The following GNB1L variants were observed in gnomAD, a reference collection of about 807,000 sequenced individuals.
GNB1L encodes the protein G protein subunit beta 1 like.
GNB1L carries 20 observed loss-of-function variants against 29.1 expected under a neutral mutation model. The observed-to-expected ratio is 0.69, with a 90% CI of 0.48 to 1.00. The LOEUF is 1.00. Among genes scored for constraint, GNB1L ranks in the 50% least tolerant of loss-of-function variants. The probability of loss-of-function intolerance (pLI) is 0.00; values close to 1 mark genes in which losing one functional copy is unlikely to be tolerated. For synonymous variants in GNB1L, 193 were observed against 206.5 expected (o/e 0.93, Z 0.56); for missense variants, 421 against 464.9 (o/e 0.91, Z 0.87).
chr22:19,798,540 G>A lies in GNB1L; in HGVS notation c.732+3461C>T, dbSNP rs537746162. Among the ~76,000 whole-genome samples, 75 of 152,306 alleles carry A rather than the reference G, an allele frequency of 4.9e-4. 1 individual carries two copies. Among genetic ancestry groups the A allele is most frequent in the Middle Eastern group, 6.8e-3 (2 of 294 alleles). On this transcript the variant is annotated intron_variant, in intron 7 of 7. Coordinates refer to ENST00000329517, the MANE Select transcript of GNB1L (RefSeq NM_053004.3). ...CTGCCAAATGCCTGGAGCCACAGGC[G>A]TGTGGGGAGGTTTCCGTAGAAGTCC...
At position 19,816,021 on chromosome 22, in the gene GNB1L, C is replaced by T. The variant is rs145255467; in HGVS notation, c.255-3574G>A. The stretch of plus-strand genomic sequence containing the variant: ...GGTGAGCCTCTCACCAAGAACTCCA[C>T]CTTGTCAACACCGCATCCTGACCAA... On this transcript the variant is annotated intron_variant, in intron 4 of 7. Transcript: ENST00000329517. This position sits in a 1 kb window ranked among gnomAD's most constrained non-coding sequence, Gnocchi z 4.4. Among the ~76,000 whole-genome samples, 16 of 152,330 alleles carry T rather than the reference C, an allele frequency of 1.1e-4. 1 individual carries two copies. The East Asian group carries it at 3.1e-3, about 29-fold the overall frequency.
At chr22:19,794,236 C>A (rs1438427729) in intron 7 of GNB1L, among the ~76,000 whole-genome samples, 2 of 152,126 alleles carry the variant, frequency 1.3e-5, no homozygotes, top group African/African-American at 4.8e-5. Context: ...GGTGACAGAG[C>A]AAGACCTTGC....
rs535092253 is a variant in GNB1L at position 19,816,967 on chromosome 22, C to G, written c.254+3631G>C. The stretch of plus-strand genomic sequence containing the variant: ...GCACTGAGGTGGGGGAAGGCGGGAC[C>G]GCTGGGTACCCACATGGAAACCCAG... On this transcript the variant is annotated intron_variant, in intron 4 of 7. Transcript: ENST00000329517. The surrounding 1 kb of genome is among the most constrained non-coding windows in gnomAD (Gnocchi z 4.4). Among the ~76,000 whole-genome samples the G allele has an allele frequency of 6.6e-6, 1 of 152,214 alleles. No homozygotes were observed. Among genetic ancestry groups the G allele is most frequent in the Admixed American group, 6.5e-5 (1 of 15,282 alleles).
At chr22:19,793,052 C>T (rs746191606) in intron 7 of GNB1L, 24 of 1,594,834 alleles carry the variant, frequency 1.5e-5, no homozygotes, top group Admixed American at 3.3e-5. Context: ...TCGCCAAGCT[C>T]GAAAAGGCAA....
chr22:19,834,451 TAGG>T (rs1364760884), intron 2 of GNB1L, among the ~76,000 whole-genome samples: 2 of 152,112 alleles, frequency 1.3e-5, no homozygotes, highest in Non-Finnish European at 2.9e-5. Context: ...TTCAAGAAGG[TAGG>T]AGGAGCAATG....
intron 2 of GNB1L, among the ~76,000 whole-genome samples, chr22:19,839,835 G>A (rs915512240): frequency 4.6e-5 from 7 of 151,420 alleles, no homozygotes; most frequent in African/African-American, 1.5e-4. Context: ...AGCCAAGATC[G>A]TACCACTGCA....
rs1937527548 is a variant in GNB1L at position 19,816,755 on chromosome 22, ACT to A, written c.254+3841_254+3842del. 6.6e-6 allele frequency among the ~76,000 whole-genome samples: 1 copy of A among 151,778 alleles called. No homozygotes were observed. The highest frequency in any genetic ancestry group is 2.4e-5 in the African/African-American group (1 of 41,260). On this transcript the variant is annotated intron_variant, in intron 4 of 7. Transcript: ENST00000329517. The surrounding 1 kb of genome is among the most constrained non-coding windows in gnomAD (Gnocchi z 4.4). ...CACCTTCCCCCTTCTCGTGTCTGTA[ACT>A]CTCCTCTCTGGGCAGGGACAACCCT... is the stretch of plus-strand genomic sequence containing the variant.
intron 2 of GNB1L, among the ~76,000 whole-genome samples, chr22:19,834,273 C>T (rs1044246411): frequency 1.3e-5 from 2 of 152,076 alleles, no homozygotes; most frequent in Non-Finnish European, 2.9e-5. Flanking sequence ...TGTTAAAGAA[C>T]TGAAAGAAAA....
At chr22:19,851,455 C>A in intron 2 of GNB1L, 2 of 1,614,098 alleles carry the variant, frequency 1.2e-6, no homozygotes, top group Non-Finnish European at 1.7e-6. Context: ...GGACTGGGGG[C>A]TCCTTGGGCC....
intron 2 of GNB1L, among the ~76,000 whole-genome samples, chr22:19,836,402 A>G (rs1361529471): frequency 1.3e-5 from 2 of 152,156 alleles, no homozygotes; most frequent in Non-Finnish European, 2.9e-5. Context: ...GGGGAAAAAA[A>G]AAAATCAAAA....
rs1937184209 is a variant in GNB1L at position 19,785,440 on chromosome 22, G to A, written c.*3269C>T. ...AAAAACACCCCAAAAACACAGGATG[G>A]TAGAACACACCTACCTGAGTTGGCA... On this transcript the variant is annotated 3_prime_UTR_variant, in exon 8 of 8. Transcript: ENST00000329517. The surrounding 1 kb of genome is among the most constrained non-coding windows in gnomAD (Gnocchi z 4.1). The A allele has an allele frequency of 6.6e-6, 1 of 152,074 alleles. No individual in the cohort carries two copies. The highest frequency in any genetic ancestry group is 2.4e-5 in the African/African-American group (1 of 41,394). 9.4% of individuals were successfully genotyped at this position (152,074 alleles called of 1,614,324 possible).
chr22:19,847,223 G>C, intron 2 of GNB1L: 1 of 985,476 alleles, frequency 1.0e-6, no homozygotes, highest in East Asian at 1.1e-4. Flanking sequence ...CCCCAGCCAC[G>C]GTGGCCCACA....
At chr22:19,819,743 C>T (rs571479545) in intron 4 of GNB1L, among the ~76,000 whole-genome samples, 5 of 152,268 alleles carry the variant, frequency 3.3e-5, no homozygotes, top group South Asian at 2.1e-4. Context: ...CCAAGTGATG[C>T]GTAGGGTACA....
At chr22:19,790,141 T>C (rs1359250555) in intron 7 of GNB1L, among the ~76,000 whole-genome samples, 2 of 152,206 alleles carry the variant, frequency 1.3e-5, no homozygotes, top group East Asian at 1.9e-4. Context: ...CTTGAAAGAC[T>C]AGAAGATTAA....
intron 6 of GNB1L, among the ~76,000 whole-genome samples, chr22:19,806,064 G>C (rs1316097242): frequency 6.6e-6 from 1 of 152,170 alleles, no homozygotes; most frequent in Non-Finnish European, 1.5e-5. Context: ...GCCCAGAAGA[G>C]TCCCTCCCAG....
At chr22:19,794,963 G>T (rs935785371) in intron 7 of GNB1L, among the ~76,000 whole-genome samples, 3 of 152,218 alleles carry the variant, frequency 2.0e-5, no homozygotes, top group Admixed American at 2.0e-4. Flanking sequence ...CCTGGTGACA[G>T]AGTGAGACTC....
chr22:19,802,239 CAG>C (rs1937383140), intron 6 of GNB1L, 23 bp from the exon 7 acceptor site: 5 of 1,601,100 alleles, frequency 3.1e-6, no homozygotes, highest in Non-Finnish European at 4.3e-6. Flanking sequence ...GCAGAGCAGT[CAG>C]CTCCTGGAAG....
chr22:19,833,840 G>A (rs548730125), intron 2 of GNB1L, among the ~76,000 whole-genome samples: 73 of 151,526 alleles, frequency 4.8e-4, no homozygotes, highest in Non-Finnish European at 8.5e-4. Context: ...CACTCCAGCC[G>A]GGGCGACAAA....
intron 7 of GNB1L, among the ~76,000 whole-genome samples, chr22:19,800,847 C>T (rs150940343): frequency 1.2e-3 from 190 of 152,340 alleles, no homozygotes; most frequent in African/African-American, 3.6e-3. Context: ...CATGTCCTTC[C>T]GCAGCTCCAC....
Sources: gnomAD v4.1 joint callset for allele counts (sites outside exome capture counted in the v4.1 genomes callset) on GRCh38, gnomAD v4.1.1 for gene constraint, Gnocchi (gnomAD v3.1) non-coding constraint, MANE v1.5 for transcripts, NCBI Gene and HGNC (gene_info 2026-07-23, HGNC 2026-07-21) for gene names.